Variants in SPTLC1 observed in about 807,000 individuals in gnomAD.
SPTLC1 encodes serine palmitoyltransferase 1.
In SPTLC1, 55 loss-of-function variants were observed where a neutral mutation model predicts 68.9. The ratio of observed to expected loss-of-function variants is 0.80; its 90% confidence interval spans 0.64 to 1.00. The LOEUF is 1.00. SPTLC1 is among the 50% of genes least tolerant of loss of function. The pLI is 0.00. For missense variants in SPTLC1, 449 were observed against 573.1 expected, an observed-to-expected ratio of 0.78 and a Z score of 2.21; for synonymous variants, 197 against 201.6, an observed-to-expected ratio of 0.98 and a Z score of 0.19.
chr9:92,041,716 G>C (rs1304693259), intron 12 of SPTLC1, among the ~76,000 whole-genome samples: 4 of 152,090 alleles, frequency 2.6e-5, no homozygotes, highest in Admixed American at 2.6e-4. Context: ...GATATAAAAA[G>C]TCAAATTAAA....
intron 3 of SPTLC1, among the ~76,000 whole-genome samples, chr9:92,098,333 A>G (rs964442631): frequency 4.0e-5 from 6 of 148,836 alleles, no homozygotes; most frequent in African/African-American, 1.5e-4. Flanking sequence ...CCCAGCATCC[A>G]TAAAAGCGCT....
At chr9:92,038,122 A>G in intron 13 of SPTLC1, 126 bp downstream of exon 13, 1 of 780,692 alleles carries the variant, frequency 1.3e-6, no homozygotes, top group South Asian at 1.4e-5. Flanking sequence ...GGTCACCAGC[A>G]TCTTCCTTTC....
At chr9:92,079,913 C>T in intron 5 of SPTLC1, 103 bp downstream of exon 5, 1 of 995,740 alleles carries the variant, frequency 1.0e-6, no homozygotes, top group Non-Finnish European at 1.6e-6. Context: ...CCTCAGCCTC[C>T]CCAAAGTGCT....
At chr9:92,108,392 G>A in intron 3 of SPTLC1, 1 of 321,728 alleles carries the variant, frequency 3.1e-6, no homozygotes, top group Non-Finnish European at 6.0e-6. Flanking sequence ...ACAGTATCTA[G>A]AATTATGAGG....
chr9:92,108,298 C>T (rs954857857), intron 3 of SPTLC1: 89 of 169,440 alleles, frequency 5.3e-4, no homozygotes, highest in Non-Finnish European at 7.5e-4. Context: ...CATAAGTGAG[C>T]GGAAGCTCCA....
intron 14 of SPTLC1, 136 bp downstream of exon 14, chr9:92,034,674 G>A: frequency 1.3e-6 from 1 of 757,022 alleles, no homozygotes; most frequent in Non-Finnish European, 2.3e-6. Context: ...GCAGAAGACA[G>A]GTAATGTACT....
intron 8 of SPTLC1, among the ~76,000 whole-genome samples, chr9:92,054,904 G>A (rs1833830462): frequency 6.6e-6 from 1 of 150,992 alleles, no homozygotes; most frequent in Non-Finnish European, 1.5e-5. Context: ...GGGCAAGACT[G>A]TCTTGCGGGG....
At position 92,087,276 on chromosome 9, in the gene SPTLC1, T is replaced by C. The variant is rs544279954; in HGVS notation, c.261-6313A>G. Among the ~76,000 whole-genome samples the C allele has an allele frequency of 1.1e-4, 17 of 152,368 alleles. No homozygotes were observed. In the South Asian group the frequency reaches 2.5e-3, roughly 22 times the overall value. ...TCATTCTCCATCCAGCTTTGTTCCA[T>C]TGCTTGTGAGGAACTGCGTTCCTTT... is the stretch of plus-strand genomic sequence containing the variant. On this transcript the variant is annotated intron_variant, in intron 3 of 14. Transcript: ENST00000262554.
In SPTLC1 at chr9:92,079,444, C is replaced by T. The variant is rs376929511; in HGVS notation, c.427+572G>A. On this transcript the variant is annotated intron_variant, in intron 5 of 14. Coordinates refer to ENST00000262554, the MANE Select transcript of SPTLC1 (RefSeq NM_006415.4). ...CTTAATAAAAACAACCATAAAATGCCGGTCTTCTTTGATGACTCCCAGGGA... is the reference window on the plus strand; with the variant it reads ...CTTAATAAAAACAACCATAAAATGCTGGTCTTCTTTGATGACTCCCAGGGA... The T allele has an allele frequency of 3.0e-4, 487 of 1,597,508 alleles. 3 individuals are homozygous for T. In the South Asian group the frequency reaches 5.1e-3, roughly 17 times the overall value.
chr9:92,049,482 G>GAC lies in SPTLC1; in HGVS notation c.888+476_888+477dup, dbSNP rs560639706. 4.1e-3 allele frequency among the ~76,000 whole-genome samples: 619 copies of GAC among 151,882 alleles called. 9 individuals carry two copies. The highest frequency in any genetic ancestry group is 1.1e-3 in the Non-Finnish European group (74 of 67,928). On this transcript the variant is annotated intron_variant, in intron 9 of 14. Coordinates refer to ENST00000262554, the MANE Select transcript of SPTLC1 (RefSeq NM_006415.4). ...CTGAATGCATGCCAGTGGTGTTTCTGACACACACACACATGCACACACACA... is the reference window on the plus strand; with the variant it reads ...CTGAATGCATGCCAGTGGTGTTTCTGACACACACACACACATGCACACACACA...
At chr9:92,098,784 A>G (rs1314230248) in intron 3 of SPTLC1, among the ~76,000 whole-genome samples, 3 of 152,206 alleles carry the variant, frequency 2.0e-5, no homozygotes, top group Non-Finnish European at 4.4e-5. Flanking sequence ...GAAATAGCCA[A>G]TGCAGAACAG....
intron 13 of SPTLC1, among the ~76,000 whole-genome samples, chr9:92,035,212 C>G (rs1280061715): frequency 6.6e-6 from 1 of 152,182 alleles, no homozygotes; most frequent in African/African-American, 2.4e-5. Flanking sequence ...ACAGCCATAG[C>G]TAGCTAGTGA....
intron 5 of SPTLC1, chr9:92,077,001 A>G (rs1834705128): frequency 6.6e-6 from 1 of 152,196 alleles, no homozygotes; most frequent in Admixed American, 6.5e-5. Context: ...TCGGTATTCA[A>G]TGGAATCTTC....
At chr9:92,051,582 T>G (rs1833705736) in intron 8 of SPTLC1, among the ~76,000 whole-genome samples, 1 of 152,230 alleles carries the variant, frequency 6.6e-6, no homozygotes, top group Non-Finnish European at 1.5e-5. Context: ...ATGCTCATTT[T>G]CGCCACCTGT....
chr9:92,110,426 T>A (rs1279539546), intron 2 of SPTLC1: 1 of 152,188 alleles, frequency 6.6e-6, no homozygotes, highest in Non-Finnish European at 1.5e-5. Flanking sequence ...CTTATACTAA[T>A]AATCAGTACA....
chr9:92,049,792 G>C (rs1236696161), intron 9 of SPTLC1, among the ~76,000 whole-genome samples, 168 bp downstream of exon 9: 1 of 152,180 alleles, frequency 6.6e-6, no homozygotes, highest in Non-Finnish European at 1.5e-5. Flanking sequence ...TCCCTGGTCT[G>C]GCTGACTAGA....
At chr9:92,077,760 ATCTCGTGGTG>A (rs1443651629) in intron 5 of SPTLC1, among the ~76,000 whole-genome samples, 1 of 152,172 alleles carries the variant, frequency 6.6e-6, no homozygotes, top group African/African-American at 2.4e-5. Flanking sequence ...TGTAGCTGAT[ATCTCGTGGTG>A]TCACCCTCAA....
chr9:92,071,843 T>A (rs1429810614), intron 5 of SPTLC1, among the ~76,000 whole-genome samples: 3 of 152,170 alleles, frequency 2.0e-5, no homozygotes, highest in Non-Finnish European at 4.4e-5. Flanking sequence ...CATTCTACCA[T>A]TGTAACAGGC....
At chr9:92,064,188 T>C (rs1032521371) in intron 6 of SPTLC1, among the ~76,000 whole-genome samples, 5 of 152,214 alleles carry the variant, frequency 3.3e-5, no homozygotes, top group Non-Finnish European at 7.3e-5. Flanking sequence ...ATCCACTTCA[T>C]TTCTATATTT....
Sources: allele counts gnomAD v4.1 joint callset (sites outside exome capture counted in the v4.1 genomes callset), GRCh38; gene constraint gnomAD v4.1.1; transcripts MANE v1.5; gene names NCBI Gene and HGNC (gene_info 2026-07-23, HGNC 2026-07-21).